Variants in L3MBTL3 observed in about 807,000 individuals in gnomAD.
L3MBTL3 encodes the protein L3MBTL histone methyl-lysine binding protein 3.
L3MBTL3 carries 27 observed loss-of-function variants against 102.3 expected under a neutral mutation model. The observed-to-expected ratio is 0.26, with a 90% CI of 0.19 to 0.36. L3MBTL3 has a LOEUF of 0.36. Ranked by LOEUF, L3MBTL3 falls within the 10% of genes least tolerant of loss-of-function variation. L3MBTL3 has a pLI of 1.00. For missense variants in L3MBTL3, 798 were observed against 955.3 expected, an observed-to-expected ratio of 0.84 and a Z score of 2.17; for synonymous variants, 340 against 320.9, an observed-to-expected ratio of 1.06 and a Z score of -0.64.
intron 18 of L3MBTL3, among the ~76,000 whole-genome samples, chr6:130,095,415 G>A (rs1442794814): frequency 6.6e-6 from 1 of 152,146 alleles, no homozygotes; most frequent in East Asian, 1.9e-4. Flanking sequence ...ATGTTCCAGA[G>A]TGAGAAGTCT....
chr6:130,092,946 C>T (rs1380932958), intron 17 of L3MBTL3, 87 bp downstream of exon 17: 1 of 770,536 alleles, frequency 1.3e-6, no homozygotes, highest in East Asian at 2.5e-5. Flanking sequence ...TCTTTTTCTC[C>T]TCCTCTCTCT....
chr6:130,114,568 C>T (rs1785546081), intron 19 of L3MBTL3, among the ~76,000 whole-genome samples: 1 of 152,082 alleles, frequency 6.6e-6, no homozygotes, highest in Non-Finnish European at 1.5e-5. Context: ...CTTGGTAATA[C>T]CCACCTCATT....
intron 10 of L3MBTL3, 140 bp from the exon 11 acceptor site, chr6:130,066,213 T>A (rs1782239891): frequency 3.6e-6 from 1 of 277,302 alleles, no homozygotes; most frequent in South Asian, 1.3e-4. Flanking sequence ...TTTAGTTGTT[T>A]TATTACTGTT....
intron 15 of L3MBTL3, 124 bp from the exon 16 acceptor site, chr6:130,086,016 G>A: frequency 4.5e-6 from 3 of 663,438 alleles, no homozygotes; most frequent in Non-Finnish European, 8.1e-6. Flanking sequence ...GCCTTCCAAA[G>A]TGCTGGGATT....
intron 19 of L3MBTL3, among the ~76,000 whole-genome samples, chr6:130,105,716 G>A (rs186859745): frequency 7.6e-4 from 115 of 152,026 alleles, no homozygotes; most frequent in Middle Eastern, 3.4e-3. Flanking sequence ...CTAAAACGGT[G>A]GTAAGAATAC....
intron 9 of L3MBTL3, among the ~76,000 whole-genome samples, chr6:130,058,556 C>T (rs528978263): frequency 2.6e-5 from 4 of 152,172 alleles, no homozygotes; most frequent in East Asian, 1.9e-4. Context: ...GCACTCCAGC[C>T]GGGACAACAG....
At position 130,119,943 on chromosome 6, in the gene L3MBTL3, A is replaced by G. The variant is rs9492458; in HGVS notation, c.1887-936A>G. On this transcript the variant is annotated intron_variant, in intron 19 of 22. Transcript: ENST00000361794. ...ATTAAAACTATAGAACTCCTTTTAT[A>G]TTTGTTGGGATATTTTGTTTCAAAT... Among the ~76,000 whole-genome samples the G allele has an allele frequency of 8.0e-3, 1,211 of 152,284 alleles. 14 individuals carry two copies. Among genetic ancestry groups the G allele is most frequent in the African/African-American group, 0.026 (1,086 of 41,564 alleles).
rs913985854 is a variant in L3MBTL3, at chr6:130,028,713, A to G, written c.-16+6408A>G. 3.3e-5 allele frequency among the ~76,000 whole-genome samples: 5 copies of G among 152,204 alleles called. No individual in the cohort carries two copies. The East Asian group carries it at 7.7e-4, about 23-fold the overall frequency. Reference sequence around the variant, plus strand: ...GAAAGGAATATTTTTCTTCATAGCAATGTGTGTTTGTTGAGAGATGCTTCA... The same window carrying G: ...GAAAGGAATATTTTTCTTCATAGCAGTGTGTGTTTGTTGAGAGATGCTTCA... On this transcript the variant is annotated intron_variant, in intron 2 of 22. Transcript: ENST00000361794.
chr6:130,052,734 TG>T, intron 6 of L3MBTL3, 124 bp from the exon 7 acceptor site: 2 of 1,160,368 alleles, frequency 1.7e-6, no homozygotes, highest in Non-Finnish European at 2.4e-6. Context: ...AGATTTCTCC[TG>T]GTAGTTAAAG....
chr6:130,095,802 A>T (rs1226088107), intron 18 of L3MBTL3, among the ~76,000 whole-genome samples: 1 of 152,138 alleles, frequency 6.6e-6, no homozygotes, highest in East Asian at 1.9e-4. Context: ...GAGAGGGCCA[A>T]ACCTGCTTTT....
intron 2 of L3MBTL3, among the ~76,000 whole-genome samples, chr6:130,037,483 G>A (rs149617100): frequency 1.5e-3 from 227 of 150,708 alleles, no homozygotes; most frequent in African/African-American, 5.1e-3. Context: ...TATCATTGCT[G>A]GTTGTTACCT....
At chr6:130,110,944 A>G (rs1169253371) in intron 19 of L3MBTL3, among the ~76,000 whole-genome samples, 2 of 152,210 alleles carry the variant, frequency 1.3e-5, no homozygotes, top group African/African-American at 4.8e-5. Context: ...CCTTAATATC[A>G]CATTACTCAC....
chr6:130,094,210 C>A (rs58515674), intron 17 of L3MBTL3, 55 bp from the exon 18 acceptor site: 55,215 of 1,393,742 alleles, frequency 0.04, 6,011 homozygotes, highest in African/African-American at 0.39. Context: ...TTTGACTCTT[C>A]ACAGATTTTT....
At chr6:130,024,305 C>G (rs1779193441) in intron 2 of L3MBTL3, among the ~76,000 whole-genome samples, 1 of 151,956 alleles carries the variant, frequency 6.6e-6, no homozygotes, top group Admixed American at 6.6e-5. Flanking sequence ...TATGTAAAAT[C>G]TAGATTAAAA....
At chr6:130,073,221 A>T (rs1273005149) in intron 13 of L3MBTL3, among the ~76,000 whole-genome samples, 1 of 152,184 alleles carries the variant, frequency 6.6e-6, no homozygotes, top group Non-Finnish European at 1.5e-5. Flanking sequence ...AGCCTGGTCA[A>T]CATAGCAAGA....
At chr6:130,116,949 T>TA (rs1386061857) in intron 19 of L3MBTL3, among the ~76,000 whole-genome samples, 4 of 145,906 alleles carry the variant, frequency 2.7e-5, no homozygotes, top group African/African-American at 5.1e-5. Flanking sequence ...TCCTCTTATT[T>TA]TTTATTTATT....
chr6:130,121,905 G>C (rs897871325), intron 20 of L3MBTL3, among the ~76,000 whole-genome samples: 4 of 152,148 alleles, frequency 2.6e-5, no homozygotes, highest in African/African-American at 7.2e-5. Context: ...AATTAACCAG[G>C]TGTGGTGGCA....
intron 7 of L3MBTL3, chr6:130,054,967 A>C (rs1781369878): frequency 1.2e-5 from 6 of 502,882 alleles, no homozygotes; most frequent in Middle Eastern, 5.7e-4. Context: ...CCAACCGGTA[A>C]CACGTGGATA....
intron 20 of L3MBTL3, among the ~76,000 whole-genome samples, chr6:130,132,116 A>G (rs961489034): frequency 5.9e-5 from 9 of 152,204 alleles, no homozygotes; most frequent in African/African-American, 1.9e-4. Context: ...AACAACTCAG[A>G]TGCTCATTGT....
Sources: allele counts gnomAD v4.1 joint callset (sites outside exome capture counted in the v4.1 genomes callset), GRCh38; gene constraint gnomAD v4.1.1; transcripts MANE v1.5; gene names NCBI Gene and HGNC (gene_info 2026-07-23, HGNC 2026-07-21).